TRPC6: variants seen among roughly 807,000 people sequenced by gnomAD.
TRPC6 encodes the protein transient receptor potential cation channel subfamily C member 6.
In TRPC6, 55 loss-of-function variants were observed where a neutral mutation model predicts 90.7. The observed-to-expected ratio is 0.61, with a 90% confidence interval of 0.49 to 0.76. TRPC6 has a LOEUF of 0.76. Among genes scored for constraint, TRPC6 ranks in the 30% least tolerant of loss-of-function variants. The probability of loss-of-function intolerance (pLI) is 0.00; values close to 1 mark genes in which losing one functional copy is unlikely to be tolerated. For synonymous variants in TRPC6, 393 were observed against 393.0 expected, an observed-to-expected ratio of 1.00 and a Z score of 0.00; for missense variants, 989 against 1,122.7, an observed-to-expected ratio of 0.88 and a Z score of 1.70.
chr11:101,465,495 CT>C (rs1031540590), intron 10 of TRPC6, among the ~76,000 whole-genome samples: 1 of 151,922 alleles, frequency 6.6e-6, no homozygotes, highest in Non-Finnish European at 1.5e-5. Context: ...CCTTTTCATT[CT>C]TTTTTTTCTA....
At chr11:101,503,008 T>C (rs1424482707) in intron 2 of TRPC6, among the ~76,000 whole-genome samples, 1 of 152,204 alleles carries the variant, frequency 6.6e-6, no homozygotes, top group Non-Finnish European at 1.5e-5. Context: ...TAAAACATTG[T>C]ACTTGATGAA....
rs556372119 is a variant in TRPC6 at position 101,564,734 on chromosome 11, GAAC to G, written c.170+18597_170+18599del. ...AGAAAAAAATTCTAAAACGTATACA[GAAC>G]AACAAGAGAATCCAAACAGCCAAAG... On this transcript the variant is annotated intron_variant, in intron 1 of 12. Coordinates refer to ENST00000344327, the MANE Select transcript of TRPC6 (RefSeq NM_004621.6). Among the ~76,000 whole-genome samples, 646 of 152,108 alleles carry G rather than the reference GAAC, an allele frequency of 4.2e-3. 6 individuals carry two copies. Among genetic ancestry groups the G allele is most frequent in the African/African-American group, 0.015 (633 of 41,516 alleles).
At chr11:101,530,601 C>T (rs1192735231) in intron 1 of TRPC6, among the ~76,000 whole-genome samples, 1 of 152,168 alleles carries the variant, frequency 6.6e-6, no homozygotes, top group Non-Finnish European at 1.5e-5. Flanking sequence ...TGTCTACAGA[C>T]CTGGTAACAG....
At chr11:101,565,131 T>G (rs895804957) in intron 1 of TRPC6, among the ~76,000 whole-genome samples, 1 of 152,080 alleles carries the variant, frequency 6.6e-6, no homozygotes, top group Non-Finnish European at 1.5e-5. Context: ...AAAAAGCTCC[T>G]TGACATTTGT....
intron 1 of TRPC6, among the ~76,000 whole-genome samples, chr11:101,578,387 C>G (rs542754096): frequency 1.3e-5 from 2 of 152,282 alleles, no homozygotes; most frequent in South Asian, 4.1e-4. Flanking sequence ...CTGAATTTTT[C>G]ATTCCCTTAT....
chr11:101,561,053 A>C (rs2136866014), intron 1 of TRPC6, among the ~76,000 whole-genome samples: 1 of 152,232 alleles, frequency 6.6e-6, no homozygotes, highest in Non-Finnish European at 1.5e-5. Flanking sequence ...TTTCTAAAAT[A>C]TATCAGATAC....
At chr11:101,535,164 A>G (rs1861008145) in intron 1 of TRPC6, among the ~76,000 whole-genome samples, 1 of 143,356 alleles carries the variant, frequency 7.0e-6, no homozygotes, top group Non-Finnish European at 1.5e-5. Flanking sequence ...AGATTCTGTC[A>G]GAAAGAAAAG....
chr11:101,546,783 CCAAA>C (rs1430834967), intron 1 of TRPC6, among the ~76,000 whole-genome samples: 8 of 151,838 alleles, frequency 5.3e-5, no homozygotes, highest in Non-Finnish European at 1.5e-5. Context: ...ATGTCTTTTA[CCAAA>C]CAAAGACTGT....
At chr11:101,498,236 C>A (rs1160130144) in intron 2 of TRPC6, among the ~76,000 whole-genome samples, 1 of 152,074 alleles carries the variant, frequency 6.6e-6, no homozygotes, top group Admixed American at 6.6e-5. Flanking sequence ...TTGTCTTAAC[C>A]CAATTTTAAG....
At chr11:101,535,683 T>C (rs1036887272) in intron 1 of TRPC6, among the ~76,000 whole-genome samples, 1 of 152,202 alleles carries the variant, frequency 6.6e-6, no homozygotes, top group African/African-American at 2.4e-5. Flanking sequence ...AAAAGCACTA[T>C]TGATTAGGCA....
intron 7 of TRPC6, 136 bp from the exon 8 acceptor site, chr11:101,472,468 ACTTTT>A (rs1342728157): frequency 2.8e-5 from 22 of 797,174 alleles, no homozygotes; most frequent in Non-Finnish European, 4.1e-5. Context: ...TCTGAAGCTC[ACTTTT>A]CTTTTCTGTA....
At chr11:101,478,033 G>C (rs551957631) in intron 5 of TRPC6, among the ~76,000 whole-genome samples, 5 of 152,050 alleles carry the variant, frequency 3.3e-5, no homozygotes, top group Non-Finnish European at 5.9e-5. Context: ...TCACAGCCTC[G>C]AGTTGAAAAT....
chr11:101,551,206 G>T (rs1428827888), intron 1 of TRPC6, among the ~76,000 whole-genome samples: 1 of 151,844 alleles, frequency 6.6e-6, no homozygotes, highest in African/African-American at 2.4e-5. Flanking sequence ...TCCTGGAAAT[G>T]AGTATTTAAC....
intron 1 of TRPC6, among the ~76,000 whole-genome samples, chr11:101,530,658 C>T (rs896003702): frequency 1.3e-5 from 2 of 151,448 alleles, no homozygotes; most frequent in Non-Finnish European, 2.9e-5. Flanking sequence ...CCAGTACCAG[C>T]CCTACTGACC....
intron 1 of TRPC6, among the ~76,000 whole-genome samples, chr11:101,556,814 T>C (rs1230180184): frequency 2.0e-5 from 3 of 152,036 alleles, no homozygotes; most frequent in Admixed American, 6.6e-5. Context: ...CAACAAAATA[T>C]ACAAGCAAAC....
chr11:101,475,845 T>C (rs1035925205), intron 6 of TRPC6, among the ~76,000 whole-genome samples: 1 of 136,912 alleles, frequency 7.3e-6, no homozygotes, highest in Admixed American at 6.9e-5. Flanking sequence ...CCATTGCACA[T>C]ATATATACAC....
chr11:101,558,245 G>A (rs1861613411), intron 1 of TRPC6, among the ~76,000 whole-genome samples: 1 of 128,116 alleles, frequency 7.8e-6, no homozygotes, highest in South Asian at 2.4e-4. Flanking sequence ...GGGTATACAT[G>A]TATATATGTA....
chr11:101,515,901 A>C (rs1860507313), intron 1 of TRPC6, among the ~76,000 whole-genome samples: 1 of 152,092 alleles, frequency 6.6e-6, no homozygotes, highest in Non-Finnish European at 1.5e-5. Flanking sequence ...AGGAGGATGG[A>C]AATTGATATT....
chr11:101,526,826 T>G (rs1252074573), intron 1 of TRPC6, among the ~76,000 whole-genome samples: 1 of 117,722 alleles, frequency 8.5e-6, no homozygotes, highest in African/African-American at 3.4e-5. Context: ...ATTGCGCCAG[T>G]GCACTCCAGC....
Sources: gnomAD v4.1 joint callset for allele counts (sites outside exome capture counted in the v4.1 genomes callset) on GRCh38, gnomAD v4.1.1 for gene constraint, MANE v1.5 for transcripts, NCBI Gene and HGNC (gene_info 2026-07-23, HGNC 2026-07-21) for gene names.